The following HIF3A variants were observed in gnomAD, a reference collection of about 807,000 sequenced individuals.
HIF3A encodes hypoxia inducible factor 3 subunit alpha, also known as hypoxia-inducible factor 3-alpha.
In HIF3A, 41 loss-of-function variants were observed where a neutral mutation model predicts 67.2. That is an observed-to-expected ratio of 0.61 (90% CI 0.48 to 0.79). The LOEUF (loss-of-function observed/expected upper bound fraction) is 0.79. HIF3A is among the 30% of genes least tolerant of loss of function. The probability of loss-of-function intolerance (pLI) is 0.00; values close to 1 mark genes in which losing one functional copy is unlikely to be tolerated. For missense variants in HIF3A, 855 were observed against 898.0 expected (o/e 0.95, Z 0.61); for synonymous variants, 356 against 374.8 (o/e 0.95, Z 0.58).
At chr19:46,331,313 C>T in intron 13 of HIF3A, 40 bp downstream of exon 13, 1 of 1,515,194 alleles carries the variant, frequency 6.6e-7, no homozygotes, top group Middle Eastern at 1.7e-4. Flanking sequence ...GCCCTCATTA[C>T]CTAGCTGGCT....
intron 7 of HIF3A, 56 bp from the exon 8 acceptor site, chr19:46,312,446 ATATT>A (rs66668057): frequency 0.22 from 349,327 of 1,604,044 alleles, 40,597 homozygotes; most frequent in East Asian, 0.43. Flanking sequence ...CAGTCCCCAG[ATATT>A]TCTCTCCCCA....
At position 46,305,517 on chromosome 19, in the gene HIF3A, T is replaced by C. The variant is rs940295754; in HGVS notation, c.363+127T>C. 78 of 943,542 alleles carry C rather than the reference T, an allele frequency of 8.3e-5. No homozygotes were observed. The Middle Eastern group carries it at 2.2e-3, about 27-fold the overall frequency. The allele number at this position is 943,542 out of a possible 1,614,324, so 58.4% of individuals were successfully genotyped here. ...TACAAAGGGGATATAGGTATGTCAC[T>C]AGACAGGAAGACCCAGAATGGTCAG... On this transcript the variant is annotated intron_variant, in intron 3 of 14. Transcript: ENST00000377670.
chr19:46,330,086 G>A (rs943840478), intron 12 of HIF3A, among the ~76,000 whole-genome samples: 3 of 151,820 alleles, frequency 2.0e-5, no homozygotes, highest in Non-Finnish European at 4.4e-5. Flanking sequence ...AAAAAGAAAA[G>A]AAACTGTCTA....
At chr19:46,322,065 C>T in intron 10 of HIF3A, 99 bp downstream of exon 10, 1 of 1,227,076 alleles carries the variant, frequency 8.1e-7, no homozygotes, top group Non-Finnish European at 1.1e-6. Context: ...TGGGCCTCAG[C>T]TTCTCCATCT....
intron 8 of HIF3A, among the ~76,000 whole-genome samples, chr19:46,318,548 C>CAAAAAA (rs908312286): frequency 9.2e-5 from 5 of 54,082 alleles, no homozygotes; most frequent in African/African-American, 3.6e-4. Context: ...GATCCTGTCT[C>CAAAAAA]AAAAAAAAAA....
rs747603903 is a variant in HIF3A at position 46,312,601 on chromosome 19, G to T, written c.973G>T (p.Gly325Trp). ...WTQTQATVVS[G>W]GRGPQSESIV... ...CCAGACCCAGGCCACAGTGGTGTCAGGGGGACGGGGCCCCCAGTCGGAGAG... is the reference window on the plus strand; with the variant it reads ...CCAGACCCAGGCCACAGTGGTGTCATGGGGACGGGGCCCCCAGTCGGAGAG... Residue 325 changes from glycine (G) to tryptophan (W), a missense_variant, in exon 8 of 15, where the codon GGG becomes TGG. Physicochemically the swap from Gly to Trp is radical, Grantham distance 184. This residue lies in a region of HIF3A where 638 missense variants were observed against 660.5 expected (regional missense o/e 0.97). Transcript: ENST00000377670. The T allele has an allele frequency of 1.0e-5, 16 of 1,599,332 alleles. No individual in the cohort carries two copies. Among genetic ancestry groups the T allele is most frequent in the Non-Finnish European group, 1.4e-5 (16 of 1,172,682 alleles).
At chr19:46,330,564 G>A (rs1971130569) in intron 12 of HIF3A, among the ~76,000 whole-genome samples, 1 of 151,034 alleles carries the variant, frequency 6.6e-6, no homozygotes, top group Non-Finnish European at 1.5e-5. Flanking sequence ...TGGATGGATG[G>A]TGGATGGATG....
intron 10 of HIF3A, among the ~76,000 whole-genome samples, chr19:46,323,820 T>C (rs892783556): frequency 2.6e-5 from 4 of 152,166 alleles, no homozygotes; most frequent in African/African-American, 9.7e-5. Context: ...TTTCCCCTTA[T>C]AAAACCATCA....
rs1342125564 is a variant in HIF3A at position 46,303,924 on chromosome 19, A to G, written c.53A>G (p.Lys18Arg). Reference protein sequence around the residue: ...ARSTTELRKEKSRDAARSRRS... With the variant: ...ARSTTELRKERSRDAARSRRS... ...TCGACCACGGAGCTGCGCAAGGAAAAGTCCCGGGATGCGGCCCGCAGCCGG... is the reference window on the plus strand; with the variant it reads ...TCGACCACGGAGCTGCGCAAGGAAAGGTCCCGGGATGCGGCCCGCAGCCGG... Residue 18 changes from lysine (K) to arginine (R), a missense_variant, in exon 2 of 15, where the codon AAG becomes AGG. This residue lies in a region of HIF3A where 638 missense variants were observed against 660.5 expected (regional missense o/e 0.97). Coordinates refer to ENST00000377670, the MANE Select transcript of HIF3A (RefSeq NM_152795.4). 1.2e-6 allele frequency: 2 copies of G among 1,608,966 alleles called. No homozygotes were observed. The highest frequency in any genetic ancestry group is 1.7e-6 in the Non-Finnish European group (2 of 1,178,120).
Position 46,308,751 on chromosome 19 carries a change from C to T in HIF3A, c.537C>T (p.Leu179=), listed in dbSNP as rs201320508. ...CACTCACCAGCCGCGGGCGCACCCT[C>T]AACCTCAAGGCGGCCACCTGGAAGG... The part of the protein sequence containing the change: ...KSTLTSRGRT[L]NLKAATWKVL... Residue 179 remains leucine (L), a synonymous_variant, in exon 5 of 15, where the codon CTC becomes CTT. Coordinates refer to ENST00000377670, the MANE Select transcript of HIF3A (RefSeq NM_152795.4). The T allele has an allele frequency of 5.0e-6, 8 of 1,608,976 alleles. No homozygotes were observed. The highest frequency in any genetic ancestry group is 1.7e-4 in the Middle Eastern group (1 of 5,916).
chr19:46,336,448 C>A (rs912359459), intron 14 of HIF3A, among the ~76,000 whole-genome samples: 2 of 151,962 alleles, frequency 1.3e-5, no homozygotes, highest in African/African-American at 4.8e-5. Flanking sequence ...CTCACTGCAG[C>A]CTCTGTGTCC....
intron 13 of HIF3A, among the ~76,000 whole-genome samples, chr19:46,332,258 G>A (rs2147292610): frequency 6.6e-6 from 1 of 152,284 alleles, no homozygotes; most frequent in East Asian, 1.9e-4. Flanking sequence ...AAAGGGCCGG[G>A]CGCTGTGGCT....
chr19:46,305,825 C>T (rs1968798685), intron 3 of HIF3A, among the ~76,000 whole-genome samples: 1 of 152,142 alleles, frequency 6.6e-6, no homozygotes, highest in African/African-American at 2.4e-5. Context: ...ACCTGTAATC[C>T]CAGCACTTTG....
At chr19:46,336,541 T>TTG (rs147448980) in intron 14 of HIF3A, among the ~76,000 whole-genome samples, 1,674 of 152,072 alleles carry the variant, frequency 0.011, 36 homozygotes, top group African/African-American at 0.039. Flanking sequence ...CTTTGTGTGT[T>TTG]TGTGTGCGTG....
At chr19:46,330,747 G>A (rs1262975625) in intron 12 of HIF3A, among the ~76,000 whole-genome samples, 1 of 149,762 alleles carries the variant, frequency 6.7e-6, no homozygotes, top group Non-Finnish European at 1.5e-5. Flanking sequence ...ATGGCAGATG[G>A]GATGGCAGAT....
intron 1 of HIF3A, chr19:46,303,502 G>GC: frequency 1.1e-6 from 1 of 888,420 alleles, no homozygotes; most frequent in South Asian, 1.8e-5. Context: ...TCCTTCGTGG[G>GC]CCCTCCCTCC....
At position 46,312,536 on chromosome 19, in the gene HIF3A, A is replaced by G; in HGVS notation, c.908A>G (p.Gln303Arg). ...AGCAAGGGCCAGGCAGTAACAGGGCAGTATCGCTTCCTGGCCCGGAGTGGT... is the reference window on the plus strand; with the variant it reads ...AGCAAGGGCCAGGCAGTAACAGGGCGGTATCGCTTCCTGGCCCGGAGTGGT... ...LLSKGQAVTG[Q>R]YRFLARSGGY... The change falls in exon 8 of 15, where the codon CAG becomes CGG. Residue 303 changes from glutamine to arginine, a missense_variant. Transcript: ENST00000377670. The G allele has an allele frequency of 6.2e-7, 1 of 1,614,022 alleles. No individual in the cohort carries two copies.
At chr19:46,327,085 G>A (rs937251569) in intron 11 of HIF3A, among the ~76,000 whole-genome samples, 1 of 152,056 alleles carries the variant, frequency 6.6e-6, no homozygotes, top group African/African-American at 2.4e-5. Flanking sequence ...AACCAGGGAG[G>A]CAGAGGTTGC....
At chr19:46,338,286 C>T (rs758356616) in intron 14 of HIF3A, 23 of 453,714 alleles carry the variant, frequency 5.1e-5, no homozygotes, top group South Asian at 1.9e-4. Flanking sequence ...ACCGCAGCCT[C>T]GACCTCCTGG....
Sources: gnomAD v4.1 joint callset for allele counts (sites outside exome capture counted in the v4.1 genomes callset) on GRCh38, gnomAD v4.1.1 for gene constraint, gnomAD v4.1.1 regional missense constraint, MANE v1.5 for transcripts, NCBI Gene and HGNC (gene_info 2026-07-23, HGNC 2026-07-21) for gene names.